The following NOTO variants were observed in gnomAD, a reference collection of about 807,000 sequenced individuals.
NOTO encodes notochord homeobox.
In NOTO, 19 loss-of-function variants were observed where a neutral mutation model predicts 20.5. The ratio of observed to expected loss-of-function variants is 0.93; its 90% CI spans 0.65 to 1.36. The LOEUF is 1.36. Among genes scored for constraint, NOTO ranks in the 40% most tolerant of loss-of-function variants. The pLI is 0.00. For missense variants in NOTO, 369 were observed against 336.2 expected (o/e 1.10, Z -0.76); for synonymous variants, 150 against 150.2 (o/e 1.00, Z 0.01).
intron 1 of NOTO, among the ~76,000 whole-genome samples, chr2:73,207,242 G>A (rs1686101434): frequency 6.6e-6 from 1 of 152,128 alleles, no homozygotes; most frequent in South Asian, 2.1e-4. Flanking sequence ...GGCAGGCACA[G>A]TGTAAGCCTA....
intron 1 of NOTO, among the ~76,000 whole-genome samples, chr2:73,204,583 G>C (rs967010206): frequency 6.6e-6 from 1 of 152,156 alleles, no homozygotes; most frequent in Non-Finnish European, 1.5e-5. Context: ...ACTGGATCTG[G>C]GAGCTGTGCC....
chr2:73,208,944 T>C (rs1167406981), intron 2 of NOTO, among the ~76,000 whole-genome samples: 1 of 152,052 alleles, frequency 6.6e-6, no homozygotes, highest in Non-Finnish European at 1.5e-5. Context: ...CCCAGCACTT[T>C]GGGAGGCTGA....
chr2:73,203,103 A>T, intron 1 of NOTO, 55 bp downstream of exon 1: 2 of 1,352,010 alleles, frequency 1.5e-6, no homozygotes, highest in Non-Finnish European at 1.9e-6. Flanking sequence ...TGGAGAGCCT[A>T]GGTCGCCACT....
intron 1 of NOTO, among the ~76,000 whole-genome samples, chr2:73,204,794 T>G (rs1686063956): frequency 6.6e-6 from 1 of 152,154 alleles, no homozygotes; most frequent in South Asian, 2.1e-4. Context: ...AACCTCCTCC[T>G]TCCGGTCTCA....
intron 1 of NOTO, among the ~76,000 whole-genome samples, chr2:73,206,061 A>G (rs1379463700): frequency 6.6e-6 from 1 of 152,034 alleles, no homozygotes; most frequent in South Asian, 2.1e-4. Context: ...ATACTTGGAA[A>G]GAACTTCCTC....
At chr2:73,206,099 A>G (rs1686084758) in intron 1 of NOTO, among the ~76,000 whole-genome samples, 1 of 151,846 alleles carries the variant, frequency 6.6e-6, no homozygotes, top group African/African-American at 2.4e-5. Flanking sequence ...TAACTTCCCC[A>G]TTTTTTTCTA....
chr2:73,202,993 T>G lies in NOTO; in HGVS notation c.327T>G (p.Pro109=), dbSNP rs148083845. ...CCTACCTGAGCGTAGGTTTTTACCC[T>G]GTGCCAGGGCCGCGCGTGGCTCCCG... ...LPAYLSVGFY[P]VPGPRVAPVC... is the part of the protein sequence containing the mutation. The change falls in exon 1 of 3, where the codon CCT becomes CCG. Residue 109 remains proline, a synonymous_variant. Transcript: ENST00000398468. 1.2e-3 allele frequency: 1,709 copies of G among 1,474,546 alleles called. 2 individuals carry two copies. Among genetic ancestry groups the G allele is most frequent in the Non-Finnish European group, 1.3e-3 (1,457 of 1,114,234 alleles). The allele number at this position is 1,474,546 out of a possible 1,614,324, so 91.3% of individuals were successfully genotyped here.
In NOTO at chr2:73,211,218, GAGA is replaced by G. The variant is rs1686175853; in HGVS notation, c.*293_*295del. On this transcript the variant is annotated 3_prime_UTR_variant, in exon 3 of 3. Coordinates refer to ENST00000398468, the MANE Select transcript of NOTO (RefSeq NM_001134462.2). The stretch of plus-strand genomic sequence containing the variant: ...TTCATAACTTAGATCACCCAGGGGT[GAGA>G]AGATGTCTGTAAAGCAATAATGTGC... 3.0e-6 allele frequency: 1 copy of G among 335,668 alleles called. No individual in the cohort carries two copies. Among genetic ancestry groups the G allele is most frequent in the Admixed American group, 4.6e-5 (1 of 21,714 alleles). The allele number at this position is 335,668 out of a possible 1,614,324, so 20.8% of individuals were successfully genotyped here.
chr2:73,210,752 G>A lies in NOTO; in HGVS notation c.598-19G>A. ...ACCTGATGGTCACATTCTGATCTCT[G>A]CCCACTCTCCAATTATAGGTGAGAG... On this transcript the variant is annotated intron_variant, in intron 2 of 2. Transcript: ENST00000398468. 1 of 1,538,684 alleles carries A rather than the reference G, an allele frequency of 6.5e-7. No individual in the cohort carries two copies. The highest frequency in any genetic ancestry group is 8.8e-7 in the Non-Finnish European group (1 of 1,139,242).
At chr2:73,210,002 G>A (rs1686156117) in intron 2 of NOTO, among the ~76,000 whole-genome samples, 2 of 152,016 alleles carry the variant, frequency 1.3e-5, no homozygotes, top group Admixed American at 1.3e-4. Context: ...CCTAATGTAC[G>A]CCCCAGCTCT....
chr2:73,205,217 G>T (rs1304430606), intron 1 of NOTO, among the ~76,000 whole-genome samples: 3 of 152,092 alleles, frequency 2.0e-5, no homozygotes, highest in Non-Finnish European at 4.4e-5. Context: ...TTTCTATTGA[G>T]GAAATTAGCC....
At position 73,211,058 on chromosome 2, in the gene NOTO, A is replaced by C; in HGVS notation, c.*129A>C. On this transcript the variant is annotated 3_prime_UTR_variant, in exon 3 of 3. Transcript: ENST00000398468. ...GAAGAATCTGAGCTGTCAAGCAGGG[A>C]CCCCCTTTTCTATACTGATTCCTGG... The C allele has an allele frequency of 1.4e-6, 1 of 694,360 alleles. No homozygotes were observed. Among genetic ancestry groups the C allele is most frequent in the Non-Finnish European group, 2.3e-6 (1 of 428,166 alleles). The allele number at this position is 694,360 out of a possible 1,614,324, so 43.0% of individuals were successfully genotyped here.
Position 73,211,304 on chromosome 2 carries a change from A to C in NOTO, c.*375A>C, listed in dbSNP as rs1011248788. The stretch of plus-strand genomic sequence containing the variant: ...AGGCTTGTAGGCCCCTGAGTAGAGA[A>C]GACCAACTGGAAAAAAAAAAGTTTT... On this transcript the variant is annotated 3_prime_UTR_variant, in exon 3 of 3. Transcript: ENST00000398468. 6.2e-6 allele frequency: 1 copy of C among 160,626 alleles called. No homozygotes were observed. Among genetic ancestry groups the C allele is most frequent in the Non-Finnish European group, 1.2e-5 (1 of 80,310 alleles). 10.0% of individuals were successfully genotyped at this position (160,626 alleles called of 1,614,324 possible). A position where few individuals can be genotyped will look rare whatever the true frequency, so the allele number is the denominator to read the frequency against.
rs559631227 is a variant in NOTO at position 73,210,882 on chromosome 2, A to T, written c.709A>T (p.Ile237Phe). The T allele has an allele frequency of 9.7e-6, 15 of 1,551,656 alleles. No individual in the cohort carries two copies. Among genetic ancestry groups the T allele is most frequent in the Non-Finnish European group, 1.3e-5 (15 of 1,146,942 alleles). ...CCTGGATGAGCCTTCCAGCAGCTCC[A>T]TCGCCAGTATCCAGAGTGATGATGC... ...ASLDEPSSSSIASIQSDDAES... is the reference protein window; with the variant it reads ...ASLDEPSSSSFASIQSDDAES... The change falls in exon 3 of 3, where the codon ATC becomes TTC. Residue 237 changes from isoleucine (I) to phenylalanine (F), a missense_variant. Ile to Phe is a conservative substitution (Grantham distance 21, BLOSUM62 0). Transcript: ENST00000398468.
chr2:73,202,813 C>T lies in NOTO; in HGVS notation c.147C>T (p.Phe49=). The change falls in exon 1 of 3, where the codon TTC becomes TTT. Residue 49 remains phenylalanine (F), a synonymous_variant. Coordinates refer to ENST00000398468, the MANE Select transcript of NOTO (RefSeq NM_001134462.2). ...CTCCCGGACGCTTCGAGTCCCCTTT[C>T]TCGGTCGAGGCCATCCTGGCGAGGC... ...PRAPGRFESP[F]SVEAILARPD... 1 of 1,526,472 alleles carries T rather than the reference C, an allele frequency of 6.6e-7. No homozygotes were observed. Among genetic ancestry groups the T allele is most frequent in the Non-Finnish European group, 8.8e-7 (1 of 1,142,526 alleles). 94.6% of individuals were successfully genotyped at this position (1,526,472 alleles called of 1,614,324 possible). A position where few individuals can be genotyped will look rare whatever the true frequency, so the allele number is the denominator to read the frequency against.
At chr2:73,203,217 C>T (rs1574334183) in intron 1 of NOTO, among the ~76,000 whole-genome samples, 169 bp downstream of exon 1, 1 of 152,182 alleles carries the variant, frequency 6.6e-6, no homozygotes. Context: ...AGCCGAGGAC[C>T]GCGACAGTCT....
At chr2:73,207,886 CCT>C (rs1686111006) in intron 1 of NOTO, among the ~76,000 whole-genome samples, 1 of 152,204 alleles carries the variant, frequency 6.6e-6, no homozygotes, top group South Asian at 2.1e-4. Context: ...TCAGCTCAAC[CCT>C]CTCTTCTGAC....
intron 2 of NOTO, among the ~76,000 whole-genome samples, chr2:73,209,383 C>A (rs1686136498): frequency 6.6e-6 from 1 of 152,148 alleles, no homozygotes; most frequent in African/African-American, 2.4e-5. Flanking sequence ...TCCAACATGA[C>A]TTTTCCCTAC....
At position 73,208,399 on chromosome 2, in the gene NOTO, G is replaced by C; in HGVS notation, c.383-1G>C. 1 of 1,550,246 alleles carries C rather than the reference G, an allele frequency of 6.5e-7. No individual in the cohort carries two copies. On this transcript the variant is annotated splice_acceptor_variant, in intron 1 of 2. Coordinates refer to ENST00000398468, the MANE Select transcript of NOTO (RefSeq NM_001134462.2). LOFTEE classifies it high-confidence loss of function. The stretch of plus-strand genomic sequence containing the variant: ...CTCCCCTGCTGCTGGTTGCTCTTTA[G>C]GGTTGGAGCTGGCTCACTGCTCAGG...
Sources: allele counts gnomAD v4.1 joint callset (sites outside exome capture counted in the v4.1 genomes callset), GRCh38; gene constraint gnomAD v4.1.1; transcripts MANE v1.5; gene names NCBI Gene and HGNC (gene_info 2026-07-23, HGNC 2026-07-21).